Variants in KLF12 observed in about 807,000 individuals in gnomAD.
KLF12 encodes KLF transcription factor 12.
In KLF12, 9 loss-of-function variants were observed where a neutral mutation model predicts 37.8. The observed-to-expected ratio is 0.24, with a 90% confidence interval of 0.14 to 0.42. The LOEUF is 0.42. KLF12 is among the 10% of genes least tolerant of loss of function. The probability of loss-of-function intolerance (pLI) is 1.00; values close to 1 mark genes in which losing one functional copy is unlikely to be tolerated. For missense variants in KLF12, 411 were observed against 516.0 expected (o/e 0.80, Z 1.97); for synonymous variants, 208 against 202.1 (o/e 1.03, Z -0.25).
rs117719905 is a variant in KLF12, at chr13:74,103,300, G to A, written c.-32+30439C>T. ...CATAATTAAAACATTTCTTAAAATA[G>A]GAGTATCCTTGTAGCTGATCATTTG... On this transcript the variant is annotated intron_variant, in intron 1 of 7. Transcript: ENST00000377669. 2.6e-3 allele frequency among the ~76,000 whole-genome samples: 402 copies of A among 152,282 alleles called. 1 individual carries two copies. The highest frequency in any genetic ancestry group is 7.1e-3 in the African/African-American group (297 of 41,546).
upstream of KLF12, among the ~76,000 whole-genome samples, chr13:74,134,084 G>C (rs1268414961): frequency 1.3e-5 from 2 of 150,496 alleles, no homozygotes; most frequent in Non-Finnish European, 3.0e-5. Context: ...ATTACCCCGG[G>C]GCCCAGCCGA....
chr13:74,170,670 A>G, the KLF12 span, among the ~76,000 whole-genome samples: 1 of 152,164 alleles, frequency 6.6e-6, no homozygotes, highest in East Asian at 1.9e-4. Flanking sequence ...TGATTATTGC[A>G]TATACAAATT....
chr13:73,768,352 G>A (rs182140220), intron 5 of KLF12, among the ~76,000 whole-genome samples: 1 of 152,310 alleles, frequency 6.6e-6, no homozygotes, highest in East Asian at 1.9e-4. Context: ...GAAAGGATGG[G>A]AAGTCAGAGG....
chr13:73,800,320 G>C (rs986842435), intron 5 of KLF12: 2 of 151,996 alleles, frequency 1.3e-5, no homozygotes, highest in African/African-American at 4.8e-5. Context: ...TTAAAAGTTA[G>C]GTCACTACAT....
chr13:73,825,604 A>G (rs926354625), intron 4 of KLF12, among the ~76,000 whole-genome samples: 26 of 152,378 alleles, frequency 1.7e-4, no homozygotes, highest in African/African-American at 6.3e-4. Flanking sequence ...GGCCTTTGCC[A>G]GGCAAATTTC....
intron 3 of KLF12, among the ~76,000 whole-genome samples, chr13:73,873,734 T>G (rs1886580099): frequency 6.6e-6 from 1 of 152,054 alleles, no homozygotes; most frequent in African/African-American, 2.4e-5. Context: ...AAAAAAGACA[T>G]GCTATAAAAA....
intron 3 of KLF12, among the ~76,000 whole-genome samples, chr13:73,880,431 C>T (rs549493450): frequency 1.6e-4 from 25 of 152,228 alleles, no homozygotes; most frequent in Admixed American, 1.1e-3. Context: ...GGCCATTAAG[C>T]GTAGGGGTGA....
chr13:74,289,969 C>A, the KLF12 span, among the ~76,000 whole-genome samples: 3 of 152,064 alleles, frequency 2.0e-5, no homozygotes, highest in African/African-American at 7.2e-5. Flanking sequence ...TAGCTGGAGG[C>A]CCTATATTAT....
intron 3 of KLF12, among the ~76,000 whole-genome samples, chr13:73,906,107 T>C (rs1165510537): frequency 6.6e-6 from 1 of 152,168 alleles, no homozygotes; most frequent in Non-Finnish European, 1.5e-5. Flanking sequence ...GACCAACTCT[T>C]AGCTGATGTC....
intron 3 of KLF12, among the ~76,000 whole-genome samples, chr13:73,916,249 A>ACG (rs1555324861): frequency 6.4e-5 from 1 of 15,506 alleles, no homozygotes; most frequent in Non-Finnish European, 1.8e-4. Context: ...ACGCACACGC[A>ACG]CACACACACA....
chr13:73,702,007 C>T (rs1403317880), intron 7 of KLF12, among the ~76,000 whole-genome samples: 5 of 151,724 alleles, frequency 3.3e-5, no homozygotes, highest in East Asian at 3.9e-4. Context: ...TTAAAAAAGA[C>T]GACATACCAC....
chr13:74,067,283 G>A (rs1171992751), intron 1 of KLF12, among the ~76,000 whole-genome samples: 1 of 152,196 alleles, frequency 6.6e-6, no homozygotes, highest in African/African-American at 2.4e-5. Flanking sequence ...GAATACCTTT[G>A]TCCTTGGTCT....
chr13:73,879,128 A>G (rs1353461488), intron 3 of KLF12, among the ~76,000 whole-genome samples: 1 of 152,220 alleles, frequency 6.6e-6, no homozygotes, highest in Non-Finnish European at 1.5e-5. Flanking sequence ...ACTTTAAAAT[A>G]AAGGACAGAC....
At chr13:73,860,884 C>T (rs948154133) in intron 3 of KLF12, among the ~76,000 whole-genome samples, 1 of 152,146 alleles carries the variant, frequency 6.6e-6, no homozygotes, top group Admixed American at 6.5e-5. Context: ...TTAATTCCTC[C>T]CACTACAGAA....
At chr13:73,695,727 C>A in intron 7 of KLF12, 56 bp from the exon 8 acceptor site, 1 of 1,523,092 alleles carries the variant, frequency 6.6e-7, no homozygotes, top group Non-Finnish European at 9.1e-7. Flanking sequence ...TTTGCCATAA[C>A]CAGGCCAGTA....
rs541953043 is a variant in KLF12 at position 73,691,676 on chromosome 13, G to A, written c.*3814C>T. ...CAAAGGCGTATTAATACATTTTGAA[G>A]GCCTCACCTCACCAGATTTATTCAG... On this transcript the variant is annotated 3_prime_UTR_variant, in exon 8 of 8. Transcript: ENST00000377669. 6.6e-6 allele frequency: 1 copy of A among 152,656 alleles called. No individual in the cohort carries two copies. Among genetic ancestry groups the A allele is most frequent in the African/African-American group, 2.4e-5 (1 of 41,540 alleles). The allele number at this position is 152,656 out of a possible 1,614,324, so 9.5% of individuals were successfully genotyped here.
At chr13:73,814,905 C>A (rs1268841411) in intron 4 of KLF12, among the ~76,000 whole-genome samples, 4 of 152,022 alleles carry the variant, frequency 2.6e-5, no homozygotes, top group African/African-American at 7.2e-5. Context: ...AGGAACTGAT[C>A]TAGGGATTTA....
intron 3 of KLF12, among the ~76,000 whole-genome samples, chr13:73,923,507 T>C (rs1194582709): frequency 1.3e-5 from 2 of 152,208 alleles, no homozygotes; most frequent in Admixed American, 1.3e-4. Context: ...CAGCACCCCC[T>C]GGCTCCTCTA....
At chr13:74,075,617 G>A (rs1874518648) in intron 1 of KLF12, among the ~76,000 whole-genome samples, 1 of 152,162 alleles carries the variant, frequency 6.6e-6, no homozygotes, top group African/African-American at 2.4e-5. Flanking sequence ...ATATTCCACT[G>A]TGAACTTAAT....
Sources: allele counts gnomAD v4.1 joint callset (sites outside exome capture counted in the v4.1 genomes callset), GRCh38; gene constraint gnomAD v4.1.1; transcripts MANE v1.5; gene names NCBI Gene and HGNC (gene_info 2026-07-23, HGNC 2026-07-21).